Variants in PCDHGB6 observed in about 807,000 individuals in gnomAD.
PCDHGB6 encodes protocadherin gamma subfamily B, 6, also known as protocadherin gamma-B6.
Under a neutral mutation model 59.1 loss-of-function variants are expected in PCDHGB6, and 51 were observed. The observed-to-expected ratio is 0.86, with a 90% CI of 0.69 to 1.09. The LOEUF (loss-of-function observed/expected upper bound fraction) is 1.09. Among genes scored for constraint, PCDHGB6 ranks in the 50% least tolerant of loss-of-function variants. The pLI, the probability that PCDHGB6 is intolerant of heterozygous loss-of-function variation, is 0.00. For synonymous variants in PCDHGB6, 466 were observed against 495.1 expected (o/e 0.94, Z 0.78); for missense variants, 1,148 against 1,205.1 (o/e 0.95, Z 0.70).
intron 1 of PCDHGB6, among the ~76,000 whole-genome samples, chr5:141,492,996 AG>A: frequency 6.6e-6 from 1 of 152,348 alleles, no homozygotes; most frequent in Admixed American, 6.5e-5. Flanking sequence ...GCAGATGGAA[AG>A]CTATAGGCTC....
At chr5:141,419,325 AC>A (rs768622826) in intron 1 of PCDHGB6, 1 of 1,613,702 alleles carries the variant, frequency 6.2e-7, no homozygotes, top group Non-Finnish European at 8.5e-7. Context: ...CGTGTCTCCT[AC>A]TCTCTCATTG....
chr5:141,487,033 A>T lies in PCDHGB6; in HGVS notation c.2419-7774A>T, dbSNP rs1465525110. ...AGGCCCCAGATCCCAGCCTGTTTGC[A>T]GTCTCTCGATATGCTGGGGAGGTGC... On this transcript the variant is annotated intron_variant, in intron 1 of 3. Coordinates refer to ENST00000520790, the MANE Select transcript of PCDHGB6 (RefSeq NM_018926.3). This position sits in a 1 kb window ranked among gnomAD's most constrained non-coding sequence, Gnocchi z 5.0. The T allele has an allele frequency of 6.2e-7, 1 of 1,614,042 alleles. No homozygotes were observed. The highest frequency in any genetic ancestry group is 8.5e-7 in the Non-Finnish European group (1 of 1,180,040).
intron 1 of PCDHGB6, chr5:141,414,330 G>T: frequency 6.2e-7 from 1 of 1,613,714 alleles, no homozygotes; most frequent in Non-Finnish European, 8.5e-7. Flanking sequence ...AGAATGGACA[G>T]GTAACCTGTT....
intron 1 of PCDHGB6, chr5:141,415,450 C>T (rs774745130): frequency 1.9e-6 from 3 of 1,614,202 alleles, no homozygotes; most frequent in Non-Finnish European, 2.5e-6. Flanking sequence ...GACCTATTCC[C>T]ACGAGGTCTC....
intron 1 of PCDHGB6, chr5:141,475,832 T>C: frequency 2.4e-6 from 1 of 410,610 alleles, no homozygotes; most frequent in Non-Finnish European, 4.4e-6. Flanking sequence ...CTAGCGCGTG[T>C]CCTGCTCAGA....
chr5:141,478,392 A>G, intron 1 of PCDHGB6: 1 of 1,613,560 alleles, frequency 6.2e-7, no homozygotes, highest in Non-Finnish European at 8.5e-7. Context: ...CTTTACCATC[A>G]GGTGTATCTC....
intron 1 of PCDHGB6, chr5:141,411,955 A>C (rs1427605209): frequency 6.6e-5 from 10 of 152,244 alleles, no homozygotes; most frequent in African/African-American, 1.2e-4. Context: ...TTTGAAGAAA[A>C]AAGATAAAAT....
chr5:141,483,730 T>G (rs999201456), intron 1 of PCDHGB6, among the ~76,000 whole-genome samples: 1 of 152,014 alleles, frequency 6.6e-6, no homozygotes, highest in Non-Finnish European at 1.5e-5. Flanking sequence ...CCCACCATAG[T>G]CAAAAGGATA....
chr5:141,447,181 G>T (rs442221), intron 1 of PCDHGB6, among the ~76,000 whole-genome samples: 1 of 152,338 alleles, frequency 6.6e-6, no homozygotes, highest in Admixed American at 6.5e-5. Context: ...CTCTTGTCGC[G>T]CAGGCTGGAG....
Position 141,491,944 on chromosome 5 carries a change from C to A in PCDHGB6, c.2419-2863C>A. On this transcript the variant is annotated intron_variant, in intron 1 of 3. Transcript: ENST00000520790. This position sits in a 1 kb window ranked among gnomAD's most constrained non-coding sequence, Gnocchi z 6.9. ...CGAGGGGAGGTGGGACCGACCCCCA[C>A]CCCTACACTCAAAAAAGGCCGGGGC... 2 of 1,120,270 alleles carry A rather than the reference C, an allele frequency of 1.8e-6. No individual in the cohort carries two copies. Among genetic ancestry groups the A allele is most frequent in the Non-Finnish European group, 2.4e-6 (2 of 822,060 alleles). The allele number at this position is 1,120,270 out of a possible 1,614,324, so 69.4% of individuals were successfully genotyped here.
At position 141,431,763 on chromosome 5, in the gene PCDHGB6, T is replaced by C; in HGVS notation, c.2418+21143T>C. On this transcript the variant is annotated intron_variant, in intron 1 of 3. Transcript: ENST00000520790. The surrounding 1 kb of genome is among the most constrained non-coding windows in gnomAD (Gnocchi z 4.8). ...TATTCTGCGCGAGCCAAAGTCCTGA[T>C]CACTGTTCTGGACGTGAACGACAAT... 1 of 1,614,230 alleles carries C rather than the reference T, an allele frequency of 6.2e-7. No individual in the cohort carries two copies. Among genetic ancestry groups the C allele is most frequent in the Non-Finnish European group, 8.5e-7 (1 of 1,180,030 alleles).
intron 1 of PCDHGB6, among the ~76,000 whole-genome samples, chr5:141,483,648 T>TTGTGTGTG (rs111458813): frequency 0.019 from 2,886 of 149,692 alleles, 51 homozygotes; most frequent in African/African-American, 0.054. Flanking sequence ...GGGTGTGTGT[T>TTGTGTGTG]TGTGTGTGTG....
At chr5:141,506,930 T>C (rs2099857287) in intron 3 of PCDHGB6, among the ~76,000 whole-genome samples, 1 of 152,150 alleles carries the variant, frequency 6.6e-6, no homozygotes, top group African/African-American at 2.4e-5. Context: ...AAACAAACTT[T>C]AGGGGCCTCC....
At chr5:141,450,754 C>G (rs192088793) in intron 1 of PCDHGB6, among the ~76,000 whole-genome samples, 1 of 150,996 alleles carries the variant, frequency 6.6e-6, no homozygotes, top group Non-Finnish European at 1.5e-5. Context: ...CCCAAAGTGC[C>G]GGGATTACAG....
Position 141,486,443 on chromosome 5 carries a change from A to G in PCDHGB6, c.2419-8364A>G, listed in dbSNP as rs747419698. Reference sequence around the variant, plus strand: ...AGAGGCCAAATCTAGCTATGACATCATGGTCACTGCTTCTGATGCTGGGAA... The same window carrying G: ...AGAGGCCAAATCTAGCTATGACATCGTGGTCACTGCTTCTGATGCTGGGAA... On this transcript the variant is annotated intron_variant, in intron 1 of 3. Transcript: ENST00000520790. The surrounding 1 kb of genome is among the most constrained non-coding windows in gnomAD (Gnocchi z 5.0). The G allele has an allele frequency of 1.9e-6, 3 of 1,614,060 alleles. No individual in the cohort carries two copies. Among genetic ancestry groups the G allele is most frequent in the South Asian group, 2.2e-5 (2 of 91,080 alleles).
chr5:141,422,569 G>C, intron 1 of PCDHGB6: 2 of 1,613,984 alleles, frequency 1.2e-6, no homozygotes, highest in Non-Finnish European at 1.7e-6. Flanking sequence ...AGATGACAAC[G>C]ATAACCCTCC....
Position 141,408,870 on chromosome 5 carries a change from G to A in PCDHGB6, c.668G>A (p.Ser223Asn), listed in dbSNP as rs780987841. The A allele has an allele frequency of 6.2e-7, 1 of 1,613,656 alleles. No individual in the cohort carries two copies. The highest frequency in any genetic ancestry group is 1.1e-5 in the South Asian group (1 of 91,026). ...TTGGACGGAGGGGACCCACCAAGAA[G>A]TGCCACCGCTCACATAGAAATTTCT... ...TALDGGDPPR[S>N]ATAHIEISVK... is the part of the protein sequence containing the mutation. The change falls in exon 1 of 4, where the codon AGT (serine) becomes AAT (asparagine). Residue 223 changes from serine (S) to asparagine (N), a missense_variant. Physicochemically the swap from Ser to Asn is conservative, Grantham distance 46 (BLOSUM62 1). Coordinates refer to ENST00000520790, the MANE Select transcript of PCDHGB6 (RefSeq NM_018926.3).
intron 1 of PCDHGB6, chr5:141,484,966 G>C: frequency 1.7e-6 from 1 of 583,968 alleles, no homozygotes. Context: ...GAGCCCGGGA[G>C]CCGCTGTCTG....
intron 3 of PCDHGB6, among the ~76,000 whole-genome samples, chr5:141,507,760 T>G (rs2099863136): frequency 6.6e-6 from 1 of 152,202 alleles, no homozygotes; most frequent in Non-Finnish European, 1.5e-5. Context: ...GCCTCCCACC[T>G]TTGGCCCACA....
Sources: gnomAD v4.1 joint callset for allele counts (sites outside exome capture counted in the v4.1 genomes callset) on GRCh38, gnomAD v4.1.1 for gene constraint, Gnocchi (gnomAD v3.1) non-coding constraint, MANE v1.5 for transcripts, NCBI Gene and HGNC (gene_info 2026-07-23, HGNC 2026-07-21) for gene names.